The following HECW1 variants were observed in gnomAD, a reference collection of about 807,000 sequenced individuals.
HECW1 encodes E3 ubiquitin-protein ligase HECW1.
In HECW1, 61 loss-of-function variants were observed where a neutral mutation model predicts 182.3. That is an observed-to-expected ratio of 0.33 (90% CI 0.27 to 0.41). HECW1 has a LOEUF of 0.41. HECW1 is among the 10% of genes least tolerant of loss of function. The pLI is 1.00. For synonymous variants in HECW1, 859 were observed against 832.6 expected, an observed-to-expected ratio of 1.03 and a Z score of -0.55; for missense variants, 1,739 against 2,108.9, an observed-to-expected ratio of 0.82 and a Z score of 3.44.
At chr7:43,361,083 T>TGTGC in intron 6 of HECW1, 103 bp downstream of exon 6, 4 of 666,948 alleles carry the variant, frequency 6.0e-6, no homozygotes, top group Non-Finnish European at 1.0e-5. Context: ...TGTGTGTGTG[T>TGTGC]GTGTGTACGT....
chr7:43,316,386 T>A (rs1459367698), intron 4 of HECW1, among the ~76,000 whole-genome samples: 1 of 152,158 alleles, frequency 6.6e-6, no homozygotes, highest in Non-Finnish European at 1.5e-5. Flanking sequence ...TCATAGGGAT[T>A]TGCAATAGAG....
intron 17 of HECW1, among the ~76,000 whole-genome samples, chr7:43,481,819 C>T (rs2078444849): frequency 6.6e-6 from 1 of 151,868 alleles, no homozygotes; most frequent in Non-Finnish European, 1.5e-5. Context: ...CCCATCTCTA[C>T]TAAAATAATA....
intron 8 of HECW1, among the ~76,000 whole-genome samples, chr7:43,417,112 G>A (rs944254433): frequency 2.0e-5 from 3 of 152,136 alleles, no homozygotes; most frequent in South Asian, 2.1e-4. Context: ...GTGCAATGGC[G>A]CAATCTCGGC....
In HECW1 at chr7:43,191,462, A is replaced by G. The variant is rs528261683; in HGVS notation, c.-31-52413A>G. On this transcript the variant is annotated intron_variant, in intron 2 of 29. Coordinates refer to ENST00000395891, the MANE Select transcript of HECW1 (RefSeq NM_015052.5). Reference sequence around the variant, plus strand: ...GCGAGGTGTCACCAGTGGATAGTCAATGTCAGGCGTGGCCCAGCTGTCACC... The same window carrying G: ...GCGAGGTGTCACCAGTGGATAGTCAGTGTCAGGCGTGGCCCAGCTGTCACC... 2.0e-5 allele frequency among the ~76,000 whole-genome samples: 3 copies of G among 151,942 alleles called. No homozygotes were observed. In the South Asian group the frequency reaches 6.2e-4, roughly 32 times the overall value.
intron 24 of HECW1, among the ~76,000 whole-genome samples, chr7:43,521,215 C>T (rs1051979525): frequency 2.0e-5 from 3 of 152,132 alleles, no homozygotes; most frequent in African/African-American, 7.2e-5. Flanking sequence ...AGTGATTAAA[C>T]GATGAGGGCA....
chr7:43,508,874 C>A (rs902930094), intron 23 of HECW1, 95 bp from the exon 24 acceptor site: 18 of 1,348,454 alleles, frequency 1.3e-5, no homozygotes, highest in Non-Finnish European at 1.9e-5. Flanking sequence ...TCCCCAGCAC[C>A]CAACTCTGAA....
intron 8 of HECW1, among the ~76,000 whole-genome samples, chr7:43,411,705 T>C (rs1455741934): frequency 6.6e-6 from 1 of 152,204 alleles, no homozygotes; most frequent in East Asian, 1.9e-4. Flanking sequence ...ATGTTTATAA[T>C]TCTAAAATAT....
chr7:43,364,796 C>A (rs1053464545), intron 6 of HECW1, among the ~76,000 whole-genome samples: 1 of 152,220 alleles, frequency 6.6e-6, no homozygotes, highest in South Asian at 2.1e-4. Context: ...GCACCTATCA[C>A]GTTTTATGTC....
At chr7:43,128,232 A>G (rs933251458) in intron 2 of HECW1, among the ~76,000 whole-genome samples, 5 of 152,204 alleles carry the variant, frequency 3.3e-5, no homozygotes, top group Admixed American at 6.5e-5. Context: ...AAAAGTTGCC[A>G]TGTAGGATTT....
chr7:43,555,801 T>C (rs4720450), intron 29 of HECW1, among the ~76,000 whole-genome samples: 79,080 of 152,090 alleles, frequency 0.52, 20,670 homozygotes, highest in Non-Finnish European at 0.56. Context: ...AGACCCTCAG[T>C]TCCAAGGGTC....
intron 2 of HECW1, among the ~76,000 whole-genome samples, chr7:43,171,664 G>A (rs1330158358): frequency 6.6e-6 from 1 of 152,184 alleles, no homozygotes; most frequent in Non-Finnish European, 1.5e-5. Flanking sequence ...AAATATCTAA[G>A]CCTGAGATTT....
At chr7:43,342,887 G>A (rs1325725403) in intron 5 of HECW1, among the ~76,000 whole-genome samples, 6 of 151,494 alleles carry the variant, frequency 4.0e-5, no homozygotes, top group Non-Finnish European at 7.4e-5. Context: ...TCAGCTGGTC[G>A]TAGTGGCAGG....
At chr7:43,511,317 C>T (rs1164928854) in intron 24 of HECW1, 1 of 152,260 alleles carries the variant, frequency 6.6e-6, no homozygotes, top group African/African-American at 2.4e-5. Context: ...GCAATCTAAA[C>T]TGAGCCCACG....
chr7:43,536,406 T>G (rs4724215), intron 24 of HECW1, among the ~76,000 whole-genome samples: 3 of 152,138 alleles, frequency 2.0e-5, no homozygotes, highest in Non-Finnish European at 4.4e-5. Context: ...CTGACCCATC[T>G]GGGTGTGGCT....
rs568717066 is a variant in HECW1 at position 43,205,457 on chromosome 7, T to C, written c.-31-38418T>C. On this transcript the variant is annotated intron_variant, in intron 2 of 29. Coordinates refer to ENST00000395891, the MANE Select transcript of HECW1 (RefSeq NM_015052.5). ...GGAACTGATGGGAACTATGCTAGTGTTTATTCAAGACTTTTCCTGTAGTGG... is the reference window on the plus strand; with the variant it reads ...GGAACTGATGGGAACTATGCTAGTGCTTATTCAAGACTTTTCCTGTAGTGG... Among the ~76,000 whole-genome samples, 4 of 152,248 alleles carry C rather than the reference T, an allele frequency of 2.6e-5. No homozygotes were observed. In the South Asian group the frequency reaches 8.3e-4, roughly 32 times the overall value.
intron 3 of HECW1, among the ~76,000 whole-genome samples, chr7:43,282,711 A>T: frequency 6.6e-6 from 1 of 152,318 alleles, no homozygotes; most frequent in South Asian, 2.1e-4. Context: ...ATTTTATTAA[A>T]TATTATTATA....
At chr7:43,322,804 A>G (rs1461827648) in intron 5 of HECW1, among the ~76,000 whole-genome samples, 1 of 152,208 alleles carries the variant, frequency 6.6e-6, no homozygotes. Context: ...GAAGTTTGGT[A>G]AGAGAGGTTT....
rs150811139 is a variant in HECW1, at chr7:43,369,746, T to C, written c.555+8766T>C. Among the ~76,000 whole-genome samples the C allele has an allele frequency of 3.9e-3, 597 of 152,330 alleles. 3 individuals carry two copies. Among genetic ancestry groups the C allele is most frequent in the African/African-American group, 0.014 (570 of 41,570 alleles). Reference sequence around the variant, plus strand: ...TTCTTAAACAAAGGCTTTTCTCTTCTTTCTCTGCAGCAGGGTCCAAATGTT... The same window carrying C: ...TTCTTAAACAAAGGCTTTTCTCTTCCTTCTCTGCAGCAGGGTCCAAATGTT... On this transcript the variant is annotated intron_variant, in intron 6 of 29. Transcript: ENST00000395891.
chr7:43,456,779 C>T (rs1175641892), intron 13 of HECW1, among the ~76,000 whole-genome samples: 1 of 152,170 alleles, frequency 6.6e-6, no homozygotes, highest in African/African-American at 2.4e-5. Context: ...CTTGAACTTT[C>T]CAGGCACTGT....
Sources: gnomAD v4.1 joint callset for allele counts (sites outside exome capture counted in the v4.1 genomes callset) on GRCh38, gnomAD v4.1.1 for gene constraint, MANE v1.5 for transcripts, NCBI Gene and HGNC (gene_info 2026-07-23, HGNC 2026-07-21) for gene names.